Variants in RPTOR observed in about 807,000 individuals in gnomAD.
The protein encoded by RPTOR is regulatory-associated protein of mTOR.
Under a neutral mutation model 169.9 loss-of-function variants are expected in RPTOR, and 21 were observed. That is an observed-to-expected ratio of 0.12 (90% CI 0.09 to 0.18). The LOEUF is 0.18. Ranked by LOEUF, RPTOR falls within the 10% of genes least tolerant of loss-of-function variation. RPTOR has a pLI of 1.00. For missense variants in RPTOR, 1,133 were observed against 1,855.9 expected (o/e 0.61, Z 7.16); for synonymous variants, 732 against 753.2 (o/e 0.97, Z 0.46).
intron 20 of RPTOR, among the ~76,000 whole-genome samples, chr17:80,901,761 GA>G (rs1304537851): frequency 6.6e-6 from 1 of 152,076 alleles, no homozygotes; most frequent in Non-Finnish European, 1.5e-5. Flanking sequence ...TGGTGCCCCA[GA>G]AGCCCTGCCC....
chr17:80,895,296 G>A (rs948078213), intron 20 of RPTOR, among the ~76,000 whole-genome samples: 1 of 152,080 alleles, frequency 6.6e-6, no homozygotes, highest in Non-Finnish European at 1.5e-5. Context: ...CCATCTGGCA[G>A]CACCTTCCCA....
At chr17:80,688,073 C>T (rs1338005589) in intron 3 of RPTOR, among the ~76,000 whole-genome samples, 2 of 152,116 alleles carry the variant, frequency 1.3e-5, no homozygotes, top group Non-Finnish European at 2.9e-5. Flanking sequence ...CGGTTGAGTA[C>T]CTGAGTGGGG....
At chr17:80,949,159 G>C (rs2069141236) in intron 27 of RPTOR, among the ~76,000 whole-genome samples, 1 of 152,134 alleles carries the variant, frequency 6.6e-6, no homozygotes, top group South Asian at 2.1e-4. Context: ...CGGCTCCCAG[G>C]GCAGCCAAAC....
intron 7 of RPTOR, chr17:80,802,997 C>T (rs1211906647): frequency 6.6e-6 from 1 of 152,560 alleles, no homozygotes; most frequent in South Asian, 2.1e-4. Flanking sequence ...TCTGTTGCTC[C>T]AGCTCCATTG....
intron 10 of RPTOR, among the ~76,000 whole-genome samples, chr17:80,839,998 A>G (rs769103940): frequency 9.9e-5 from 15 of 152,178 alleles, no homozygotes; most frequent in Non-Finnish European, 1.9e-4. Flanking sequence ...TGGACCACAC[A>G]CTAGGTTCCT....
rs1172483775 is a variant in RPTOR, at chr17:80,753,237, CATTTTGTG to C, written c.655-772_655-765del. Among the ~76,000 whole-genome samples, 6 of 152,324 alleles carry C rather than the reference CATTTTGTG, an allele frequency of 3.9e-5. No individual in the cohort carries two copies. In the East Asian group the frequency reaches 1.2e-3, roughly 29 times the overall value. On this transcript the variant is annotated intron_variant, in intron 5 of 33. Transcript: ENST00000306801. ...GCTTTAGTCAGCCCACTCAAACTCACATTTTGTGGTTTGCCTTTGTGTTGGTGATGGAG... is the reference window on the plus strand; with the variant it reads ...GCTTTAGTCAGCCCACTCAAACTCACGTTTGCCTTTGTGTTGGTGATGGAG...
intron 23 of RPTOR, 37 bp downstream of exon 23, chr17:80,923,710 A>C (rs777161741): frequency 6.6e-7 from 1 of 1,522,872 alleles, no homozygotes. Context: ...CTGGACACTG[A>C]GAGCGTTGCT....
intron 13 of RPTOR, among the ~76,000 whole-genome samples, chr17:80,872,445 G>A (rs1001092187): frequency 3.9e-5 from 6 of 151,948 alleles, no homozygotes; most frequent in African/African-American, 1.2e-4. Context: ...CAGACCACAC[G>A]AGCTGGGCCA....
chr17:80,736,044 C>G (rs938935280), intron 5 of RPTOR, among the ~76,000 whole-genome samples: 1 of 152,112 alleles, frequency 6.6e-6, no homozygotes, highest in Admixed American at 6.5e-5. Flanking sequence ...TAGTGGCACG[C>G]ATGTGTCATC....
intron 20 of RPTOR, among the ~76,000 whole-genome samples, chr17:80,901,085 C>G (rs1232478991): frequency 6.6e-6 from 1 of 152,176 alleles, no homozygotes. Context: ...TGGGTGCTGT[C>G]CACAGGCAAG....
At position 80,803,270 on chromosome 17, in the gene RPTOR, C is replaced by T. The variant is rs2067181230; in HGVS notation, c.890+11761C>T. Reference sequence around the variant, plus strand: ...CGGCGAGCAGCCTCTGAGGCCATCTCCATTTAAACTTCTGGAAACCGAGGC... The same window carrying T: ...CGGCGAGCAGCCTCTGAGGCCATCTTCATTTAAACTTCTGGAAACCGAGGC... On this transcript the variant is annotated intron_variant, in intron 7 of 33. Coordinates refer to ENST00000306801, the MANE Select transcript of RPTOR (RefSeq NM_020761.3). The surrounding 1 kb of genome is among the most constrained non-coding windows in gnomAD (Gnocchi z 6.2). 1 of 152,410 alleles carries T rather than the reference C, an allele frequency of 6.6e-6. No homozygotes were observed. The highest frequency in any genetic ancestry group is 3.4e-3 in the Middle Eastern group (1 of 294). The allele number at this position is 152,410 out of a possible 1,614,324, so 9.4% of individuals were successfully genotyped here. A position where few individuals can be genotyped will look rare whatever the true frequency, so the allele number is the denominator to read the frequency against.
intron 10 of RPTOR, among the ~76,000 whole-genome samples, chr17:80,840,831 ACT>A (rs1454762413): frequency 1.8e-5 from 1 of 55,236 alleles, no homozygotes; most frequent in African/African-American, 8.5e-5. Flanking sequence ...CGCAGCTCAC[ACT>A]CACCGCACGG....
Position 80,551,938 on chromosome 17 carries a change from G to A in RPTOR, c.162+6147G>A, listed in dbSNP as rs532202138. ...AGGGAGTGATGATGACTCTTAAGGA[G>A]CATGCTGCCTTCAAGCATCTGTTTA... On this transcript the variant is annotated intron_variant, in intron 1 of 33. Transcript: ENST00000306801. Among the ~76,000 whole-genome samples, 9 of 152,306 alleles carry A rather than the reference G, an allele frequency of 5.9e-5. No homozygotes were observed. The South Asian group carries it at 1.9e-3, about 32-fold the overall frequency.
Position 80,786,246 on chromosome 17 carries a change from GT to G in RPTOR, c.831-5203del, listed in dbSNP as rs1388568417. Among the ~76,000 whole-genome samples the G allele has an allele frequency of 7.2e-5, 11 of 152,256 alleles. No individual in the cohort carries two copies. The East Asian group carries it at 2.1e-3, about 29-fold the overall frequency. ...ATAAATCAGCATGATTCAGTGTTGTGTAAAAGATAAATATGAAAATGCTAAG... is the reference window on the plus strand; with the variant it reads ...ATAAATCAGCATGATTCAGTGTTGTGAAAAGATAAATATGAAAATGCTAAG... On this transcript the variant is annotated intron_variant, in intron 6 of 33. Coordinates refer to ENST00000306801, the MANE Select transcript of RPTOR (RefSeq NM_020761.3).
chr17:80,918,469 C>G (rs5016362), intron 21 of RPTOR, among the ~76,000 whole-genome samples: 2,054 of 17,630 alleles, frequency 0.12, 49 homozygotes, highest in African/African-American at 0.16. Context: ...GCACCCTCGC[C>G]GGAGTCATAG....
At chr17:80,800,731 T>C (rs1378670929) in intron 7 of RPTOR, among the ~76,000 whole-genome samples, 1 of 152,146 alleles carries the variant, frequency 6.6e-6, no homozygotes, top group African/African-American at 2.4e-5. Flanking sequence ...AACAAAGTAA[T>C]GCAACACTTA....
intron 28 of RPTOR, 135 bp downstream of exon 28, chr17:80,949,682 AGCTCCCCGCCAAT>A: frequency 1.4e-6 from 1 of 699,754 alleles, no homozygotes; most frequent in Non-Finnish European, 2.5e-6. Flanking sequence ...CTAAAGCAAC[AGCTCCCCGCCAAT>A]GTCCCCGAAA....
intron 5 of RPTOR, among the ~76,000 whole-genome samples, chr17:80,744,538 C>G (rs866425076): frequency 3.5e-5 from 3 of 86,580 alleles, no homozygotes; most frequent in African/African-American, 1.7e-4. Flanking sequence ...GCTACTAGCA[C>G]AGCCCTGGCT....
intron 10 of RPTOR, among the ~76,000 whole-genome samples, chr17:80,841,718 A>C (rs2067664603): frequency 8.2e-6 from 1 of 121,376 alleles, no homozygotes. Context: ...ACGGCAGCTC[A>C]CTCTCACCAC....
Sources: gnomAD v4.1 joint callset for allele counts (sites outside exome capture counted in the v4.1 genomes callset) on GRCh38, gnomAD v4.1.1 for gene constraint, Gnocchi (gnomAD v3.1) non-coding constraint, MANE v1.5 for transcripts, NCBI Gene and HGNC (gene_info 2026-07-23, HGNC 2026-07-21) for gene names.